The following RNF150 variants were observed in gnomAD, a reference collection of about 807,000 sequenced individuals.
RNF150 encodes the protein ring finger protein 150.
Under a neutral mutation model 39.3 loss-of-function variants are expected in RNF150, and 24 were observed. The observed-to-expected ratio is 0.61, with a 90% CI of 0.44 to 0.86. The LOEUF is 0.86. Ranked by LOEUF, RNF150 falls within the 40% of genes least tolerant of loss-of-function variation. The pLI is 0.00. For missense variants in RNF150, 502 were observed against 587.8 expected, an observed-to-expected ratio of 0.85 and a Z score of 1.51; for synonymous variants, 255 against 227.3, an observed-to-expected ratio of 1.12 and a Z score of -1.10.
chr4:141,026,726 T>C (rs939854303), intron 1 of RNF150, among the ~76,000 whole-genome samples: 1 of 152,222 alleles, frequency 6.6e-6, no homozygotes, highest in Non-Finnish European at 1.5e-5. Flanking sequence ...TACCTGTTAA[T>C]GCCTTCCTGA....
At chr4:140,923,772 C>T (rs958794882) in intron 5 of RNF150, among the ~76,000 whole-genome samples, 1 of 152,198 alleles carries the variant, frequency 6.6e-6, no homozygotes, top group African/African-American at 2.4e-5. Context: ...ACATATACAC[C>T]ATGGAATACT....
chr4:140,902,124 A>G (rs1730210010), intron 6 of RNF150, among the ~76,000 whole-genome samples: 1 of 152,198 alleles, frequency 6.6e-6, no homozygotes, highest in South Asian at 2.1e-4. Flanking sequence ...AGACTGGAGG[A>G]TGGTAGGACC....
intron 1 of RNF150, among the ~76,000 whole-genome samples, chr4:141,062,525 A>G (rs1185549725): frequency 1.3e-5 from 2 of 152,080 alleles, no homozygotes; most frequent in African/African-American, 4.8e-5. Context: ...CATATACAAG[A>G]TAGTTTAATA....
chr4:141,028,515 C>T (rs1735806629), intron 1 of RNF150, among the ~76,000 whole-genome samples: 1 of 152,078 alleles, frequency 6.6e-6, no homozygotes, highest in African/African-American at 2.4e-5. Context: ...CAGTAAATTC[C>T]AGCTTTATGC....
chr4:140,938,327 T>C lies in RNF150; in HGVS notation c.890+9327A>G, dbSNP rs113029256. Among the ~76,000 whole-genome samples, 1,302 of 152,302 alleles carry C rather than the reference T, an allele frequency of 8.5e-3. 13 individuals are homozygous for C. Among genetic ancestry groups the C allele is most frequent in the Middle Eastern group, 0.02 (6 of 294 alleles). ...ATTCTTCCTCATGTTACGCTATTTATTATGATCATGTCATCCCTGGCAGGG... is the reference window on the plus strand; with the variant it reads ...ATTCTTCCTCATGTTACGCTATTTACTATGATCATGTCATCCCTGGCAGGG... On this transcript the variant is annotated intron_variant, in intron 4 of 6. Coordinates refer to ENST00000515673, the MANE Select transcript of RNF150 (RefSeq NM_020724.2).
intron 1 of RNF150, among the ~76,000 whole-genome samples, chr4:141,072,660 T>C (rs995334813): frequency 1.3e-5 from 2 of 152,198 alleles, no homozygotes; most frequent in Non-Finnish European, 1.5e-5. Flanking sequence ...GTATAAATAT[T>C]TGAAAATTGT....
At chr4:140,970,650 A>AAAAC (rs1733429756) in intron 1 of RNF150, among the ~76,000 whole-genome samples, 1 of 152,136 alleles carries the variant, frequency 6.6e-6, no homozygotes, top group African/African-American at 2.4e-5. Context: ...GGGACTTCAG[A>AAAAC]AAACACTTTT....
chr4:140,980,814 C>G lies in RNF150; in HGVS notation c.485-12941G>C, dbSNP rs113565409. ...TAAATGTCTTTCCTTTATAAATTAC[C>G]AGTCTCAGGCAGTTCGTTATAGAGC... is the stretch of plus-strand genomic sequence containing the variant. On this transcript the variant is annotated intron_variant, in intron 1 of 6. Transcript: ENST00000515673. 1.0e-3 allele frequency among the ~76,000 whole-genome samples: 157 copies of G among 152,218 alleles called. 1 individual carries two copies. Among genetic ancestry groups the G allele is most frequent in the African/African-American group, 3.7e-3 (154 of 41,548 alleles).
At chr4:140,922,046 T>C in intron 5 of RNF150, among the ~76,000 whole-genome samples, 1 of 139,916 alleles carries the variant, frequency 7.1e-6, no homozygotes, top group African/African-American at 2.6e-5. Flanking sequence ...GCATTCCCTT[T>C]GAAAACTGGC....
chr4:140,951,551 GTTT>G (rs35787999), intron 2 of RNF150, among the ~76,000 whole-genome samples: 1 of 139,538 alleles, frequency 7.2e-6, no homozygotes. Context: ...TGTTGTTGTT[GTTT>G]TTTTTTTTTT....
At chr4:141,012,066 CT>C (rs1735094640) in intron 1 of RNF150, among the ~76,000 whole-genome samples, 1 of 152,192 alleles carries the variant, frequency 6.6e-6, no homozygotes, top group African/African-American at 2.4e-5. Flanking sequence ...TTAGAAATTA[CT>C]TTTTCACTAA....
intron 1 of RNF150, among the ~76,000 whole-genome samples, chr4:141,205,421 G>C (rs1728359268): frequency 6.6e-6 from 1 of 152,146 alleles, no homozygotes; most frequent in South Asian, 2.1e-4. Context: ...GAAACAAAGA[G>C]AATGAGAATT....
At chr4:141,069,615 GA>G (rs1737610913) in intron 1 of RNF150, among the ~76,000 whole-genome samples, 3 of 150,736 alleles carry the variant, frequency 2.0e-5, no homozygotes, top group African/African-American at 4.9e-5. Flanking sequence ...CTATTGATTG[GA>G]ATAGTTTCAG....
intron 1 of RNF150, among the ~76,000 whole-genome samples, chr4:141,156,394 C>T (rs1179399714): frequency 6.6e-6 from 1 of 152,100 alleles, no homozygotes; most frequent in African/African-American, 2.4e-5. Context: ...CATCCTCCTG[C>T]CTCATCCTCC....
intron 1 of RNF150, among the ~76,000 whole-genome samples, chr4:141,015,936 G>A (rs186844813): frequency 6.6e-6 from 1 of 151,944 alleles, no homozygotes; most frequent in Non-Finnish European, 1.5e-5. Flanking sequence ...TTACATTTTG[G>A]GGGGTGGGGT....
chr4:141,101,413 T>C (rs1739005475), intron 1 of RNF150, among the ~76,000 whole-genome samples: 1 of 151,860 alleles, frequency 6.6e-6, no homozygotes, highest in East Asian at 2.0e-4. Context: ...TCTACCTCCA[T>C]ATATTGTCCC....
At chr4:140,886,330 G>A (rs543196337) in intron 6 of RNF150, among the ~76,000 whole-genome samples, 1 of 152,214 alleles carries the variant, frequency 6.6e-6, no homozygotes, top group African/African-American at 2.4e-5. Flanking sequence ...TGTGTATGTG[G>A]TTGTGTTCAG....
At chr4:141,068,644 TTGGGCA>T (rs903067570) in intron 1 of RNF150, among the ~76,000 whole-genome samples, 23 of 151,698 alleles carry the variant, frequency 1.5e-4, no homozygotes, top group Middle Eastern at 3.4e-3. Flanking sequence ...ATAAATTACC[TTGGGCA>T]GTATGGCCAT....
chr4:141,105,528 C>T (rs1226015198), intron 1 of RNF150, among the ~76,000 whole-genome samples: 1 of 152,182 alleles, frequency 6.6e-6, no homozygotes, highest in Non-Finnish European at 1.5e-5. Context: ...CTCTCCCCTG[C>T]CCAGGTCTCT....
Sources: gnomAD v4.1 joint callset for allele counts (sites outside exome capture counted in the v4.1 genomes callset) on GRCh38, gnomAD v4.1.1 for gene constraint, MANE v1.5 for transcripts, NCBI Gene and HGNC (gene_info 2026-07-23, HGNC 2026-07-21) for gene names.